Variants in HIRIP3 observed in about 807,000 individuals in gnomAD.
HIRIP3 encodes the protein HIRA interacting protein 3, also known as HIRA-interacting protein 3.
HIRIP3 carries 40 observed loss-of-function variants against 50.3 expected under a neutral mutation model. The ratio of observed to expected loss-of-function variants is 0.79; its 90% CI spans 0.62 to 1.03. The LOEUF (loss-of-function observed/expected upper bound fraction) is 1.03, where lower values mean the gene tolerates loss of function less well. Ranked by LOEUF, HIRIP3 falls within the 50% of genes least tolerant of loss-of-function variation. The pLI, the probability that HIRIP3 is intolerant of heterozygous loss-of-function variation, is 0.00. For missense variants in HIRIP3, 765 were observed against 705.4 expected (o/e 1.08, Z -0.96); for synonymous variants, 318 against 261.6 (o/e 1.22, Z -2.08).
chr16:29,992,794 A>G lies in HIRIP3; in HGVS notation c.*413T>C, dbSNP rs117348377. On this transcript the variant is annotated 3_prime_UTR_variant, in exon 7 of 7. Coordinates refer to ENST00000279392, the MANE Select transcript of HIRIP3 (RefSeq NM_003609.5). The stretch of plus-strand genomic sequence containing the variant: ...GCTAAAAGCAGAGGGGCCACGGGGT[A>G]GGCGGGCAGCACAGGAGCCACACAC... The G allele has an allele frequency of 2.5e-5, 4 of 161,212 alleles. No homozygotes were observed. The East Asian group carries it at 7.2e-4, about 29-fold the overall frequency. 10.0% of individuals were successfully genotyped at this position (161,212 alleles called of 1,614,324 possible). A position where few individuals can be genotyped will look rare whatever the true frequency, so the allele number is the denominator to read the frequency against.
intron 3 of HIRIP3, 66 bp downstream of exon 3, chr16:29,995,037 G>A (rs576190867): frequency 1.3e-6 from 2 of 1,525,058 alleles, no homozygotes; most frequent in Non-Finnish European, 1.8e-6. Flanking sequence ...TAAGAGATGC[G>A]CAGTGAATGC....
chr16:29,995,292 G>T (rs1397920866), intron 2 of HIRIP3, 51 bp downstream of exon 2: 1 of 1,610,380 alleles, frequency 6.2e-7, no homozygotes, highest in Admixed American at 1.7e-5. Flanking sequence ...CTCCTCCTCA[G>T]CAGCAAGCCC....
chr16:29,995,665 G>T, upstream of HIRIP3: 1 of 1,586,886 alleles, frequency 6.3e-7, no homozygotes, highest in Non-Finnish European at 8.6e-7. Flanking sequence ...CCGTCAGCGC[G>T]TTTGACAGCG....
intron 3 of HIRIP3, 54 bp downstream of exon 3, chr16:29,995,049 T>G (rs1596654556): frequency 5.1e-6 from 8 of 1,569,498 alleles, no homozygotes; most frequent in Admixed American, 3.3e-5. Flanking sequence ...AGTGAATGCT[T>G]CTTGAGTGAA....
chr16:29,994,111 G>C lies in HIRIP3; in HGVS notation c.1034C>G (p.Thr345Arg), dbSNP rs138720351. The C allele has an allele frequency of 1.2e-6, 2 of 1,613,988 alleles. No homozygotes were observed. Among genetic ancestry groups the C allele is most frequent in the Non-Finnish European group, 1.7e-6 (2 of 1,179,988 alleles). ...DEEDSGKGEP[T>R]AKGSRKMARL... is the part of the protein sequence containing the mutation. ...GGCCATCTTTCTAGAGCCTTTAGCT[G>C]TGGGTTCCCCCTTCCCACTGTCTTC... Residue 345 changes from threonine (T) to arginine (R), a missense_variant, in exon 4 of 7, where the codon ACA (threonine) becomes AGA (arginine). Transcript: ENST00000279392.
rs1210994289 is a variant in HIRIP3, at chr16:29,993,641, C to T, written c.1407G>A (p.Lys469=). 1.2e-6 allele frequency: 2 copies of T among 1,612,532 alleles called. No homozygotes were observed. Among genetic ancestry groups the T allele is most frequent in the Non-Finnish European group, 1.7e-6 (2 of 1,179,908 alleles). The change falls in exon 5 of 7, where the codon AAG becomes AAA. Residue 469 remains lysine (K), a splice_region_variant and synonymous_variant. Coordinates refer to ENST00000279392, the MANE Select transcript of HIRIP3 (RefSeq NM_003609.5). ...CCCCCAGGGCACGCCGGGCCTCACC[C>T]TTCATGCCTAGCGCTTCCAGTTCTG... ...LRAELEALGM[K]GTPSLGKCRA... is the part of the protein sequence containing the mutation.
rs754588606 is a variant in HIRIP3, at chr16:29,994,302, C to T, written c.843G>A (p.Gln281=). ...REERSCKQKS[Q]AKRLLGDSDS... Reference sequence around the variant, plus strand: ...CTGAGTCTCCCAAGAGCCTCTTTGCCTGGCTTTTCTGCTTACAGCTCCTCT... The same window carrying T: ...CTGAGTCTCCCAAGAGCCTCTTTGCTTGGCTTTTCTGCTTACAGCTCCTCT... The change falls in exon 4 of 7, where the codon CAG becomes CAA. Residue 281 remains glutamine, a synonymous_variant. Coordinates refer to ENST00000279392, the MANE Select transcript of HIRIP3 (RefSeq NM_003609.5). 6.2e-7 allele frequency: 1 copy of T among 1,614,180 alleles called. No homozygotes were observed.
At chr16:29,995,767 G>A, upstream of HIRIP3, 1 of 810,836 alleles carries the variant, frequency 1.2e-6, no homozygotes, top group Non-Finnish European at 1.9e-6. Context: ...TGCCAGACGA[G>A]ACTTGTTTTC....
At position 29,994,039 on chromosome 16, in the gene HIRIP3, AC is replaced by A; in HGVS notation, c.1105del (p.Val369Ter). On this transcript the variant is annotated frameshift_variant, in exon 4 of 7. Coordinates refer to ENST00000279392, the MANE Select transcript of HIRIP3 (RefSeq NM_003609.5). LOFTEE classifies it high-confidence loss of function. Reference sequence around the variant, plus strand: ...GCCTCCCCCTGCCTCGCTGTCACTTACCTCCCTCTCCAAGTCACTTTCCTCA... The same window carrying A: ...GCCTCCCCCTGCCTCGCTGTCACTTACTCCCTCTCCAAGTCACTTTCCTCA... ...SGEESDLERE[V>X]SDSEAGGGPQ... 6.2e-7 allele frequency: 1 copy of A among 1,608,890 alleles called. No individual in the cohort carries two copies. Among genetic ancestry groups the A allele is most frequent in the Non-Finnish European group, 8.5e-7 (1 of 1,177,204 alleles).
chr16:29,993,834 C>G, intron 4 of HIRIP3, 26 bp from the exon 5 acceptor site: 1 of 1,612,906 alleles, frequency 6.2e-7, no homozygotes, highest in Non-Finnish European at 8.5e-7. Flanking sequence ...CAGCTGAAGG[C>G]CAAGCCTGCT....
At chr16:29,995,253 G>A (rs1195089929) in intron 2 of HIRIP3, 36 bp from the exon 3 acceptor site, 4 of 1,613,404 alleles carry the variant, frequency 2.5e-6, no homozygotes, top group Admixed American at 3.3e-5. Context: ...TATGCACCAA[G>A]GCTGCGCTCA....
chr16:29,996,086 G>C, upstream of HIRIP3: 1 of 603,040 alleles, frequency 1.7e-6, no homozygotes, highest in Non-Finnish European at 2.9e-6. Context: ...GCGTCACCGC[G>C]TCGCTGCTAC....
At chr16:29,993,399 A>G (rs1207780682) in intron 6 of HIRIP3, 29 bp from the exon 7 acceptor site, 2 of 1,574,222 alleles carry the variant, frequency 1.3e-6, no homozygotes, top group Non-Finnish European at 1.7e-6. Flanking sequence ...GAGAGATCAG[A>G]TGTCTGAGAA....
chr16:29,995,501 C>A (rs1170320125), intron 1 of HIRIP3, 38 bp from the exon 2 acceptor site: 1 of 1,613,636 alleles, frequency 6.2e-7, no homozygotes, highest in Non-Finnish European at 8.5e-7. Context: ...TCCCGACCCA[C>A]CCGCGCCCTT....
At chr16:29,993,844 T>A in intron 4 of HIRIP3, 36 bp from the exon 5 acceptor site, 1 of 1,611,900 alleles carries the variant, frequency 6.2e-7, no homozygotes, top group Non-Finnish European at 8.5e-7. Flanking sequence ...CCAAGCCTGC[T>A]GGGCCTGAGG....
chr16:29,995,680 G>A (rs914460953), upstream of HIRIP3: 7 of 1,558,990 alleles, frequency 4.5e-6, no homozygotes, highest in East Asian at 1.4e-4. Context: ...ACAGCGGCTC[G>A]CGCACGCGCA....
chr16:29,992,374 T>A lies in HIRIP3; in HGVS notation c.*833A>T, dbSNP rs1016654609. On this transcript the variant is annotated 3_prime_UTR_variant, in exon 7 of 7. Transcript: ENST00000279392. ...TTTATTGGGCTGTGTATCTAAACAT[T>A]TCAGTGATTTTAATGACTTTAGGTG... 1.3e-5 allele frequency: 2 copies of A among 152,190 alleles called. No homozygotes were observed. The highest frequency in any genetic ancestry group is 2.9e-5 in the Non-Finnish European group (2 of 68,044). The allele number at this position is 152,190 out of a possible 1,614,324, so 9.4% of individuals were successfully genotyped here. A position where few individuals can be genotyped will look rare whatever the true frequency, so the allele number is the denominator to read the frequency against.
At chr16:29,995,688 G>C, upstream of HIRIP3, 4 of 1,535,992 alleles carry the variant, frequency 2.6e-6, no homozygotes, top group Non-Finnish European at 1.8e-6. Flanking sequence ...TCGCGCACGC[G>C]CAGTGCTGCG....
At position 29,995,162 on chromosome 16, in the gene HIRIP3, C is replaced by T; in HGVS notation, c.242G>A (p.Arg81Lys). The T allele has an allele frequency of 4.3e-6, 7 of 1,614,266 alleles. No individual in the cohort carries two copies. Among genetic ancestry groups the T allele is most frequent in the Non-Finnish European group, 5.1e-6 (6 of 1,180,044 alleles). ...CGGGTCGCTACAAGGGGTGGGAGGC[C>T]TCTTGCCCTTCTTGGTAAGGTCCAG... The part of the protein sequence containing the change: ...DKLDLTKKGK[R>K]PPTPCSDPER... The change falls in exon 3 of 7, where the codon AGG becomes AAG. Residue 81 changes from arginine (R) to lysine (K), a missense_variant. Transcript: ENST00000279392.
Sources: gnomAD v4.1 joint callset for allele counts on GRCh38, gnomAD v4.1.1 for gene constraint, MANE v1.5 for transcripts, NCBI Gene and HGNC (gene_info 2026-07-23, HGNC 2026-07-21) for gene names.